Variants in SGCD observed in about 807,000 individuals in gnomAD.
SGCD encodes delta-sarcoglycan.
A neutral mutation model predicts 36.6 loss-of-function variants in SGCD; 18 were observed. That is an observed-to-expected ratio of 0.49 (90% CI 0.34 to 0.73). The LOEUF (loss-of-function observed/expected upper bound fraction) is 0.73. SGCD is among the 30% of genes least tolerant of loss of function. The pLI is 0.01. For missense variants in SGCD, 387 were observed against 346.7 expected, an observed-to-expected ratio of 1.12 and a Z score of -0.92; for synonymous variants, 133 against 130.6, an observed-to-expected ratio of 1.02 and a Z score of -0.12.
At chr5:156,389,586 C>T (rs1771454920) in intron 3 of SGCD, among the ~76,000 whole-genome samples, 1 of 152,038 alleles carries the variant, frequency 6.6e-6, no homozygotes. Context: ...GGGGGTGGTG[C>T]TAGAGGGTTT....
chr5:155,917,134 C>T (rs566352667), intron 1 of SGCD, among the ~76,000 whole-genome samples: 13 of 152,184 alleles, frequency 8.5e-5, no homozygotes, highest in African/African-American at 3.1e-4. Context: ...CTCTTTTGAC[C>T]CCCAGACATG....
intron 6 of SGCD, among the ~76,000 whole-genome samples, chr5:156,615,301 C>G (rs1761978262): frequency 6.6e-6 from 1 of 152,174 alleles, no homozygotes; most frequent in African/African-American, 2.4e-5. Flanking sequence ...AATTGCTATT[C>G]TAATTGTTAA....
At chr5:155,756,945 G>T in the SGCD span, among the ~76,000 whole-genome samples, 1 of 152,132 alleles carries the variant, frequency 6.6e-6, no homozygotes, top group Non-Finnish European at 1.5e-5. Flanking sequence ...TTTGTCTCAG[G>T]CTCCTGGGAT....
intron 1 of SGCD, among the ~76,000 whole-genome samples, chr5:156,003,255 C>A (rs1051639231): frequency 1.3e-5 from 2 of 152,198 alleles, no homozygotes; most frequent in African/African-American, 4.8e-5. Flanking sequence ...AACCTCTAAA[C>A]TCTATAAGGG....
intron 3 of SGCD, among the ~76,000 whole-genome samples, chr5:156,221,772 A>G (rs901110451): frequency 3.3e-5 from 5 of 152,088 alleles, no homozygotes; most frequent in Admixed American, 3.3e-4. Context: ...AGTGCTCTTT[A>G]AGCAAGTAAT....
chr5:155,824,703 T>C, the SGCD span, among the ~76,000 whole-genome samples: 2 of 152,148 alleles, frequency 1.3e-5, no homozygotes, highest in Non-Finnish European at 2.9e-5. Flanking sequence ...GGTTAAGACT[T>C]GAACCCATGT....
chr5:156,196,219 T>C (rs532801726), intron 3 of SGCD, among the ~76,000 whole-genome samples: 1 of 152,302 alleles, frequency 6.6e-6, no homozygotes, highest in African/African-American at 2.4e-5. Context: ...GATCCACTTC[T>C]CTATATTAAA....
At chr5:156,483,780 G>A (rs751110190) in intron 3 of SGCD, among the ~76,000 whole-genome samples, 1 of 152,210 alleles carries the variant, frequency 6.6e-6, no homozygotes, top group Non-Finnish European at 1.5e-5. Context: ...ACTTCTCTAT[G>A]TGGCATTGTG....
intron 7 of SGCD, among the ~76,000 whole-genome samples, chr5:156,701,266 T>A (rs2113729935): frequency 6.6e-6 from 1 of 152,352 alleles, no homozygotes; most frequent in Middle Eastern, 3.4e-3. Flanking sequence ...ATTATGTTCT[T>A]CCAGTTGCTC....
intron 1 of SGCD, among the ~76,000 whole-genome samples, chr5:156,086,157 C>T (rs1761086235): frequency 6.6e-6 from 1 of 152,326 alleles, no homozygotes; most frequent in East Asian, 1.9e-4. Flanking sequence ...GTAACTTTCC[C>T]ATTTGAAATA....
At chr5:155,979,677 G>C (rs922419814) in intron 1 of SGCD, among the ~76,000 whole-genome samples, 2 of 152,166 alleles carry the variant, frequency 1.3e-5, no homozygotes, top group Admixed American at 1.3e-4. Flanking sequence ...CCCAGTTGTT[G>C]GGTGTAGGCT....
At chr5:155,956,966 T>G (rs1757669404) in intron 1 of SGCD, among the ~76,000 whole-genome samples, 1 of 152,064 alleles carries the variant, frequency 6.6e-6, no homozygotes, top group Admixed American at 6.6e-5. Context: ...CTTCCCTGCT[T>G]CTTGGTTCAT....
intron 1 of SGCD, among the ~76,000 whole-genome samples, chr5:156,042,580 A>C (rs1158607277): frequency 2.6e-5 from 4 of 152,154 alleles, no homozygotes; most frequent in Non-Finnish European, 5.9e-5. Context: ...AGAGGTTTTC[A>C]AGGATAGTTT....
chr5:156,425,336 A>G (rs560791277), intron 3 of SGCD, among the ~76,000 whole-genome samples: 93 of 152,196 alleles, frequency 6.1e-4, no homozygotes, highest in African/African-American at 2.0e-3. Context: ...ACTGCCTTCA[A>G]GAATTGATGT....
intron 1 of SGCD, among the ~76,000 whole-genome samples, chr5:155,996,182 A>C (rs887538863): frequency 2.6e-5 from 4 of 152,058 alleles, no homozygotes; most frequent in Admixed American, 2.6e-4. Flanking sequence ...TATGTAGCTA[A>C]AGTCATGTCA....
chr5:156,726,029 A>C (rs938743198), intron 7 of SGCD, among the ~76,000 whole-genome samples: 4 of 152,166 alleles, frequency 2.6e-5, no homozygotes. Flanking sequence ...GTCATCTCCA[A>C]AGCATTTTGC....
At chr5:156,582,747 TC>T (rs1190662121) in intron 4 of SGCD, among the ~76,000 whole-genome samples, 2 of 152,222 alleles carry the variant, frequency 1.3e-5, no homozygotes, top group Non-Finnish European at 2.9e-5. Context: ...AGTATGTAAT[TC>T]AAGCCCGTCT....
rs374191929 is a variant in SGCD, at chr5:156,331,291, C to T, written c.3+1712C>T. Among the ~76,000 whole-genome samples the T allele has an allele frequency of 3.0e-4, 46 of 152,274 alleles. 1 individual carries two copies. Among genetic ancestry groups the T allele is most frequent in the African/African-American group, 8.9e-4 (37 of 41,546 alleles). On this transcript the variant is annotated intron_variant, in intron 2 of 8. Coordinates refer to ENST00000337851, the MANE Select transcript of SGCD (RefSeq NM_000337.6). ...ATTCCTATTGCAGAGTGTGAACTGC[C>T]TCATACAAAGGAAACCATGTAAGCT...
At chr5:155,731,574 G>A in the SGCD span, among the ~76,000 whole-genome samples, 2 of 152,282 alleles carry the variant, frequency 1.3e-5, no homozygotes, top group African/African-American at 4.8e-5. Context: ...CACAAGTGTA[G>A]GAAGTTTAGA....
Sources: gnomAD v4.1 joint callset for allele counts (sites outside exome capture counted in the v4.1 genomes callset) on GRCh38, gnomAD v4.1.1 for gene constraint, MANE v1.5 for transcripts, NCBI Gene and HGNC (gene_info 2026-07-23, HGNC 2026-07-21) for gene names.